Variants in FAM120B observed in about 807,000 individuals in gnomAD.
FAM120B encodes the protein family with sequence similarity 120 member B, also known as constitutive coactivator of peroxisome proliferator-activated receptor gamma.
FAM120B carries 83 observed loss-of-function variants against 96.3 expected under a neutral mutation model. The observed-to-expected ratio is 0.86, with a 90% CI of 0.72 to 1.03. The LOEUF (loss-of-function observed/expected upper bound fraction) is 1.03, where lower values mean the gene tolerates loss of function less well. FAM120B is among the 50% of genes least tolerant of loss of function. FAM120B has a pLI of 0.00. For synonymous variants in FAM120B, 407 were observed against 402.7 expected, an observed-to-expected ratio of 1.01 and a Z score of -0.13; for missense variants, 1,027 against 1,121.2, an observed-to-expected ratio of 0.92 and a Z score of 1.20.
intron 9 of FAM120B, among the ~76,000 whole-genome samples, chr6:170,396,686 G>A (rs1436786474): frequency 6.6e-6 from 1 of 152,098 alleles, no homozygotes; most frequent in Non-Finnish European, 1.5e-5. Flanking sequence ...AAACATAAGG[G>A]TCACTTCCAC....
At chr6:170,356,359 G>GCA (rs1260785137) in intron 5 of FAM120B, among the ~76,000 whole-genome samples, 1 of 152,122 alleles carries the variant, frequency 6.6e-6, no homozygotes, top group Non-Finnish European at 1.5e-5. Context: ...AGATGAAGAA[G>GCA]GTGCTGTATT....
chr6:170,376,836 G>C (rs1185619198), intron 6 of FAM120B, among the ~76,000 whole-genome samples: 1 of 152,310 alleles, frequency 6.6e-6, no homozygotes, highest in East Asian at 1.9e-4. Flanking sequence ...TGGCACAGGG[G>C]TTTCGGTAAC....
intron 6 of FAM120B, among the ~76,000 whole-genome samples, chr6:170,361,252 ATACGTG>A (rs1788436126): frequency 7.1e-6 from 1 of 141,674 alleles, no homozygotes; most frequent in African/African-American, 2.6e-5. Flanking sequence ...ATATATATAT[ATACGTG>A]TATATATATA....
At chr6:170,330,864 C>T (rs1261727625) in intron 4 of FAM120B, 1 of 290,122 alleles carries the variant, frequency 3.4e-6, no homozygotes, top group South Asian at 6.2e-5. Flanking sequence ...ATGTTGCTGC[C>T]GCAGCCCCAG....
At chr6:170,354,491 GA>G (rs1239745853) in intron 5 of FAM120B, among the ~76,000 whole-genome samples, 1 of 152,036 alleles carries the variant, frequency 6.6e-6, no homozygotes, top group East Asian at 1.9e-4. Flanking sequence ...CAGAATGGGA[GA>G]AAATTTTTAC....
Position 170,363,563 on chromosome 6 carries a change from A to T in FAM120B, c.2283+5245A>T, listed in dbSNP as rs928382607. 1.3e-5 allele frequency among the ~76,000 whole-genome samples: 2 copies of T among 152,252 alleles called. No homozygotes were observed. The highest frequency in any genetic ancestry group is 2.9e-5 in the Non-Finnish European group (2 of 68,044). On this transcript the variant is annotated intron_variant, in intron 6 of 10. Transcript: ENST00000476287. The surrounding 1 kb of genome is among the most constrained non-coding windows in gnomAD (Gnocchi z 4.5). ...ATGACTGATCATTGTCTATGCCAGT[A>T]GCAGCTTTTAGTGAAAATACAGGTC...
chr6:170,347,445 A>G (rs1237869595), intron 4 of FAM120B, among the ~76,000 whole-genome samples: 1 of 152,184 alleles, frequency 6.6e-6, no homozygotes, highest in Non-Finnish European at 1.5e-5. Flanking sequence ...GTTTCAGTCA[A>G]TGAGTAAGGG....
chr6:170,395,425 CTG>C, intron 8 of FAM120B, 60 bp from the exon 9 acceptor site: 1 of 1,294,390 alleles, frequency 7.7e-7, no homozygotes, highest in East Asian at 2.5e-5. Context: ...CCTTTACATG[CTG>C]TGTCATTTGG....
At position 170,295,556 on chromosome 6, in the gene FAM120B, G is replaced by A. The variant is rs1359142840; in HGVS notation, c.48+103G>A. 2 of 581,272 alleles carry A rather than the reference G, an allele frequency of 3.4e-6. No homozygotes were observed. The highest frequency in any genetic ancestry group is 4.0e-5 in the African/African-American group (2 of 50,456). The allele number at this position is 581,272 out of a possible 1,614,324, so 36.0% of individuals were successfully genotyped here. On this transcript the variant is annotated intron_variant, in intron 1 of 10. Coordinates refer to the FAM120B transcript ENST00000537664. The surrounding 1 kb of genome is among the most constrained non-coding windows in gnomAD (Gnocchi z 7.8). Reference sequence around the variant, plus strand: ...CCGGCGCGGGCAGCTCTGCGCGAAGGTGGGCGACGGTGGGGGCACAAGAAC... The same window carrying A: ...CCGGCGCGGGCAGCTCTGCGCGAAGATGGGCGACGGTGGGGGCACAAGAAC...
rs61188907 is a variant in FAM120B at position 170,338,844 on chromosome 6, CTTTTTTT to C, written c.2017+8308_2017+8314del. On this transcript the variant is annotated intron_variant, in intron 4 of 10. Coordinates refer to ENST00000476287, the MANE Select transcript of FAM120B (RefSeq NM_032448.3). Reference sequence around the variant, plus strand: ...TATTAGAGACTAGCATTGCAACCTGCTTTTTTTTTTTTTTTTTTTTGCTTTCCATTTG... The same window carrying C: ...TATTAGAGACTAGCATTGCAACCTGCTTTTTTTTTTTTTGCTTTCCATTTG... Among the ~76,000 whole-genome samples the C allele has an allele frequency of 1.8e-4, 15 of 85,414 alleles. 1 individual carries two copies. Among genetic ancestry groups the C allele is most frequent in the African/African-American group, 5.0e-4 (11 of 21,990 alleles). The allele number at this position is 85,414 out of a possible 152,430, so 56.0% of individuals were successfully genotyped here.
At chr6:170,322,532 G>A (rs1447722467) in intron 2 of FAM120B, among the ~76,000 whole-genome samples, 1 of 152,180 alleles carries the variant, frequency 6.6e-6, no homozygotes, top group African/African-American at 2.4e-5. Flanking sequence ...GAGGAGCAAT[G>A]AAGATGTTCT....
At chr6:170,367,517 G>A (rs1788874862) in intron 6 of FAM120B, among the ~76,000 whole-genome samples, 1 of 152,244 alleles carries the variant, frequency 6.6e-6, no homozygotes. Context: ...AAAGCCAAAA[G>A]TGTTTCCATC....
At chr6:170,298,792 A>G (rs1784079598) in intron 1 of FAM120B, among the ~76,000 whole-genome samples, 1 of 152,116 alleles carries the variant, frequency 6.6e-6, no homozygotes, top group South Asian at 2.1e-4. Flanking sequence ...CCAGGCACTG[A>G]TTGTGTTAGA....
At chr6:170,378,453 A>G (rs896582666) in intron 6 of FAM120B, among the ~76,000 whole-genome samples, 3 of 152,202 alleles carry the variant, frequency 2.0e-5, no homozygotes. Flanking sequence ...GTTTCCGTTC[A>G]TGTCCCACAG....
chr6:170,325,381 C>T (rs1027586411), intron 3 of FAM120B, among the ~76,000 whole-genome samples: 2 of 152,106 alleles, frequency 1.3e-5, no homozygotes, highest in African/African-American at 2.4e-5. Context: ...TCAGACTGAA[C>T]GTAACTCTTG....
upstream of FAM120B, among the ~76,000 whole-genome samples, chr6:170,293,138 T>G (rs1255523263): frequency 6.6e-6 from 1 of 152,110 alleles, no homozygotes; most frequent in African/African-American, 2.4e-5. Context: ...CGGAGCATTC[T>G]GCTTCCCTAA....
chr6:170,348,112 G>T (rs1787316739), intron 4 of FAM120B, 39 bp from the exon 5 acceptor site: 1 of 1,555,290 alleles, frequency 6.4e-7, no homozygotes, highest in East Asian at 2.3e-5. Flanking sequence ...ACTCTGTGCT[G>T]CAAAGAACAA....
intron 2 of FAM120B, among the ~76,000 whole-genome samples, chr6:170,320,189 C>T (rs1012804973): frequency 3.3e-5 from 5 of 152,186 alleles, no homozygotes; most frequent in African/African-American, 1.2e-4. Flanking sequence ...CACCATCTTT[C>T]ATCTAGTTAC....
At chr6:170,373,014 A>G (rs989409059) in intron 6 of FAM120B, among the ~76,000 whole-genome samples, 1 of 152,258 alleles carries the variant, frequency 6.6e-6, no homozygotes, top group Admixed American at 6.5e-5. Context: ...AGTTTTGTTC[A>G]TACAAGTATC....
Sources: gnomAD v4.1 joint callset for allele counts (sites outside exome capture counted in the v4.1 genomes callset) on GRCh38, gnomAD v4.1.1 for gene constraint, Gnocchi (gnomAD v3.1) non-coding constraint, MANE v1.5 for transcripts, NCBI Gene and HGNC (gene_info 2026-07-23, HGNC 2026-07-21) for gene names.